TDRD9: variants seen among roughly 807,000 people sequenced by gnomAD.
The protein encoded by TDRD9 is tudor domain containing 9.
TDRD9 carries 124 observed loss-of-function variants against 172.6 expected under a neutral mutation model. That is an observed-to-expected ratio of 0.72 (90% CI 0.62 to 0.83). TDRD9 has a LOEUF of 0.83. TDRD9 is among the 40% of genes least tolerant of loss of function. The probability of loss-of-function intolerance (pLI) is 0.00; values close to 1 mark genes in which losing one functional copy is unlikely to be tolerated. For synonymous variants in TDRD9, 619 were observed against 617.1 expected, an observed-to-expected ratio of 1.00 and a Z score of -0.05; for missense variants, 1,479 against 1,714.1, an observed-to-expected ratio of 0.86 and a Z score of 2.42.
intron 2 of TDRD9, 73 bp from the exon 3 acceptor site, chr14:103,963,005 AT>A (rs1192477521): frequency 1.4e-5 from 11 of 780,418 alleles, no homozygotes; most frequent in Non-Finnish European, 2.1e-5. Context: ...TGCTGTATCT[AT>A]AGATTAGAAC....
intron 6 of TDRD9, among the ~76,000 whole-genome samples, chr14:103,974,045 C>T (rs8009349): frequency 0.56 from 85,036 of 151,810 alleles, 24,839 homozygotes; most frequent in South Asian, 0.68. Flanking sequence ...AAAAAACAGT[C>T]ACAAAAATTA....
chr14:103,934,129 T>G (rs113387681), intron 1 of TDRD9, among the ~76,000 whole-genome samples: 3,481 of 152,192 alleles, frequency 0.023, 79 homozygotes, highest in East Asian at 0.071. Flanking sequence ...CAATTTTCCT[T>G]CCTCAGTCTC....
At chr14:104,020,077 C>T (rs1414904309) in intron 23 of TDRD9, among the ~76,000 whole-genome samples, 4 of 152,130 alleles carry the variant, frequency 2.6e-5, no homozygotes, top group Non-Finnish European at 2.9e-5. Flanking sequence ...TTGGGCAGAG[C>T]TGCTCCGTGT....
chr14:103,966,674 C>CT (rs1566745480), intron 4 of TDRD9, 35 bp from the exon 5 acceptor site: 9 of 1,476,404 alleles, frequency 6.1e-6, no homozygotes, highest in East Asian at 2.5e-5. Flanking sequence ...TTTTTTTTCT[C>CT]TTTTTTCCTT....
chr14:103,934,914 T>A (rs1398075849), intron 1 of TDRD9, among the ~76,000 whole-genome samples: 4 of 152,246 alleles, frequency 2.6e-5, no homozygotes, highest in African/African-American at 7.2e-5. Flanking sequence ...GGATGTTTTT[T>A]GAAGGTGTTT....
chr14:103,974,300 C>T (rs2033150342), intron 6 of TDRD9, among the ~76,000 whole-genome samples: 1 of 152,214 alleles, frequency 6.6e-6, no homozygotes, highest in Non-Finnish European at 1.5e-5. Flanking sequence ...CTGCTGTGCC[C>T]ACTCCCCACG....
intron 1 of TDRD9, chr14:103,941,173 C>T (rs2031207395): frequency 3.2e-6 from 4 of 1,238,802 alleles, no homozygotes; most frequent in Non-Finnish European, 4.4e-6. Context: ...CTCCAAAATA[C>T]AGCTTGAATA....
chr14:104,019,449 G>A (rs1429640100), intron 23 of TDRD9, among the ~76,000 whole-genome samples: 1 of 151,986 alleles, frequency 6.6e-6, no homozygotes, highest in Non-Finnish European at 1.5e-5. Flanking sequence ...TGCAACCTCC[G>A]CCTCCCATTG....
In TDRD9 at chr14:103,986,243, G is replaced by A. The variant is rs761349101; in HGVS notation, c.1038G>A (p.Pro346=). ...SKLSPHLLEE[P]VITKDIYEVA... ...TCTCTCCTCATCTCCTGGAGGAACC[G>A]GTGATAACTAAGGATATATATGAAG... The change falls in exon 8 of 36, where the codon CCG becomes CCA. Residue 346 remains proline, a synonymous_variant. Coordinates refer to ENST00000409874, the MANE Select transcript of TDRD9 (RefSeq NM_153046.3). The A allele has an allele frequency of 1.1e-5, 18 of 1,612,806 alleles. No individual in the cohort carries two copies. The highest frequency in any genetic ancestry group is 1.6e-4 in the Middle Eastern group (1 of 6,080).
chr14:103,943,771 C>T (rs1321818214), intron 1 of TDRD9, among the ~76,000 whole-genome samples: 1 of 152,182 alleles, frequency 6.6e-6, no homozygotes, highest in Admixed American at 6.5e-5. Flanking sequence ...GTATTTGTTT[C>T]TTCTGTTGCT....
intron 5 of TDRD9, among the ~76,000 whole-genome samples, chr14:103,968,652 C>A (rs1038990006): frequency 6.7e-6 from 1 of 149,716 alleles, no homozygotes; most frequent in Non-Finnish European, 1.5e-5. Context: ...AAAAATTAGC[C>A]GGGCGTGGTG....
chr14:103,971,127 G>C (rs2033005890), intron 6 of TDRD9, among the ~76,000 whole-genome samples: 1 of 151,738 alleles, frequency 6.6e-6, no homozygotes, highest in Non-Finnish European at 1.5e-5. Context: ...GGGACTACAG[G>C]CACCCACCAC....
At chr14:104,040,133 A>C in intron 32 of TDRD9, 63 bp from the exon 33 acceptor site, 1 of 1,289,650 alleles carries the variant, frequency 7.8e-7, no homozygotes, top group Non-Finnish European at 9.9e-7. Flanking sequence ...CAATTTTTAC[A>C]TGCTAAAACA....
chr14:103,958,374 G>C (rs193148277), intron 2 of TDRD9, among the ~76,000 whole-genome samples: 13 of 152,274 alleles, frequency 8.5e-5, no homozygotes, highest in Non-Finnish European at 1.8e-4. Flanking sequence ...AGGGGCCAGT[G>C]CTGCTAGGGA....
Position 103,991,244 on chromosome 14 carries a change from G to C in TDRD9, c.1180+20G>C. On this transcript the variant is annotated intron_variant, in intron 9 of 35. Transcript: ENST00000409874. ...TGCCAGGTAAGAACATCATAATTTT[G>C]TGACTTGGAATCATAATACTCTGGA... 1 of 1,613,638 alleles carries C rather than the reference G, an allele frequency of 6.2e-7. No homozygotes were observed. Among genetic ancestry groups the C allele is most frequent in the Non-Finnish European group, 8.5e-7 (1 of 1,179,684 alleles).
chr14:103,940,735 C>T (rs1222242123), intron 1 of TDRD9: 1 of 1,048,200 alleles, frequency 9.5e-7, no homozygotes, highest in African/African-American at 1.6e-5. Context: ...CTTGAAGTCA[C>T]ATCACTTTTT....
chr14:103,979,276 C>T (rs2033376036), intron 7 of TDRD9, among the ~76,000 whole-genome samples: 1 of 152,194 alleles, frequency 6.6e-6, no homozygotes, highest in Non-Finnish European at 1.5e-5. Flanking sequence ...CATTTTCTTT[C>T]TCCATCTGTT....
At chr14:103,946,079 C>T (rs914226100) in intron 1 of TDRD9, among the ~76,000 whole-genome samples, 8 of 152,052 alleles carry the variant, frequency 5.3e-5, no homozygotes, top group African/African-American at 1.9e-4. Flanking sequence ...GATTCTCCCA[C>T]CTCAGCCTCT....
In TDRD9 at chr14:104,025,793, C is replaced by T. The variant is rs2035098905; in HGVS notation, c.2931+17C>T. On this transcript the variant is annotated intron_variant, in intron 26 of 35. Coordinates refer to ENST00000409874, the MANE Select transcript of TDRD9 (RefSeq NM_153046.3). ...TCTGCTGAGGTAGGTTTTTCTGTAA[C>T]AAGTCACTGGAAGGGAAATGAGACA... 1 of 1,583,008 alleles carries T rather than the reference C, an allele frequency of 6.3e-7. No individual in the cohort carries two copies. Among genetic ancestry groups the T allele is most frequent in the Non-Finnish European group, 8.7e-7 (1 of 1,152,234 alleles).
Sources: gnomAD v4.1 joint callset for allele counts (sites outside exome capture counted in the v4.1 genomes callset) on GRCh38, gnomAD v4.1.1 for gene constraint, MANE v1.5 for transcripts, NCBI Gene and HGNC (gene_info 2026-07-23, HGNC 2026-07-21) for gene names.